The following BTNL2 variants were observed in gnomAD, a reference collection of about 807,000 sequenced individuals.
The protein encoded by BTNL2 is butyrophilin-like protein 2.
BTNL2 carries 46 observed loss-of-function variants against 46.8 expected under a neutral mutation model. That is an observed-to-expected ratio of 0.98 (90% CI 0.78 to 1.26). The LOEUF is 1.26. BTNL2 is among the 50% of genes most tolerant of loss of function. The pLI is 0.00. For missense variants in BTNL2, 461 were observed against 592.6 expected (o/e 0.78, Z 2.31); for synonymous variants, 226 against 229.1 (o/e 0.99, Z 0.12).
chr6:32,404,804 A>G, intron 2 of BTNL2, 135 bp downstream of exon 2: 2 of 832,580 alleles, frequency 2.4e-6, no homozygotes, highest in Admixed American at 2.8e-5. Flanking sequence ...TTATTTTTAA[A>G]TCAATCAGGG....
In BTNL2 at chr6:32,396,068, T is replaced by G. The variant is rs766344846; in HGVS notation, c.1049A>C (p.Gln350Pro). The G allele has an allele frequency of 2.5e-5, 40 of 1,612,918 alleles. No individual in the cohort carries two copies. Among genetic ancestry groups the G allele is most frequent in the Non-Finnish European group, 3.3e-5 (39 of 1,179,976 alleles). Residue 350 changes from glutamine (Q) to proline (P), a missense_variant, in exon 5 of 8, where the codon CAG becomes CCG. Physicochemically the swap from Gln to Pro is moderately conservative, Grantham distance 76. Transcript: ENST00000454136. The surrounding 1 kb of genome is among the most constrained non-coding windows in gnomAD (Gnocchi z 4.4). Reference protein sequence around the residue: ...RCLFEKDDVYQEASLDLKVVS... With the variant: ...RCLFEKDDVYPEASLDLKVVS... ...CACCTTCAGATCCAAACTGGCCTCC[T>G]GGTAGACATCATCTTTTTCAAAAAG...
intron 4 of BTNL2, among the ~76,000 whole-genome samples, chr6:32,398,613 A>T (rs1253518978): frequency 6.6e-6 from 1 of 152,100 alleles, no homozygotes; most frequent in African/African-American, 2.4e-5. Context: ...CATCTCCTTT[A>T]TCCATATGAG....
At chr6:32,406,334 A>T (rs1777142686) in intron 1 of BTNL2, 1 of 151,254 alleles carries the variant, frequency 6.6e-6, no homozygotes, top group African/African-American at 2.5e-5. Flanking sequence ...CAGCTTCATC[A>T]CATCACACCA....
In BTNL2 at chr6:32,407,096, A is replaced by T. The variant is rs1372472695; in HGVS notation, c.28T>A (p.Ser10Thr). MVDFPGYNLSGAVASFLFIL... is the reference protein window; with the variant it reads MVDFPGYNLTGAVASFLFIL... ...AATAGGAAGGAGGCGACTGCACCAGACAGATTGTAGCCTGGAAAATCCACC... is the reference window on the plus strand; with the variant it reads ...AATAGGAAGGAGGCGACTGCACCAGTCAGATTGTAGCCTGGAAAATCCACC... The change falls in exon 1 of 8, where the codon TCT (serine) becomes ACT (threonine). Residue 10 changes from serine to threonine, a missense_variant. Coordinates refer to ENST00000454136, the MANE Select transcript of BTNL2 (RefSeq NM_001304561.2). 6.2e-7 allele frequency: 1 copy of T among 1,613,028 alleles called. No individual in the cohort carries two copies. Among genetic ancestry groups the T allele is most frequent in the Non-Finnish European group, 8.5e-7 (1 of 1,179,984 alleles).
chr6:32,401,907 G>T, intron 3 of BTNL2, 102 bp from the exon 4 acceptor site: 1 of 870,670 alleles, frequency 1.1e-6, no homozygotes, highest in Admixed American at 2.8e-5. Context: ...ATATAGGGAA[G>T]CTCAATTCAT....
chr6:32,394,605 C>G lies in BTNL2; in HGVS notation c.1360+139G>C, dbSNP rs1037834310. The G allele has an allele frequency of 1.1e-5, 11 of 1,018,462 alleles. No individual in the cohort carries two copies. The African/African-American group carries it at 1.6e-4, about 15-fold the overall frequency. The allele number at this position is 1,018,462 out of a possible 1,614,324, so 63.1% of individuals were successfully genotyped here. On this transcript the variant is annotated intron_variant, in intron 6 of 7. Transcript: ENST00000454136. This position sits in a 1 kb window ranked among gnomAD's most constrained non-coding sequence, Gnocchi z 4.6. ...AATCCCTGGGTGTCCTGAAAACCAG[C>G]TTTGCAGAGGATAGCAGGAGACCTC...
At position 32,405,261 on chromosome 6, in the gene BTNL2, A is replaced by G. The variant is rs941047818; in HGVS notation, c.105T>C (p.Ala35=). 3 of 1,612,958 alleles carry G rather than the reference A, an allele frequency of 1.9e-6. No individual in the cohort carries two copies. Among genetic ancestry groups the G allele is most frequent in the Admixed American group, 3.3e-5 (2 of 60,004 alleles). ...CCCCAACCCCGGCCAGGATAGGATG[A>G]GCAGGGCCAATGACTCTAAAGTCTT... ...QSEDFRVIGP[A]HPILAGVGED... is the part of the protein sequence containing the mutation. Residue 35 remains alanine (A), a synonymous_variant, in exon 2 of 8, where the codon GCT becomes GCC. Transcript: ENST00000454136.
At chr6:32,407,018 T>C (rs1583276554) in intron 1 of BTNL2, 27 bp downstream of exon 1, 4 of 1,604,636 alleles carry the variant, frequency 2.5e-6, no homozygotes, top group East Asian at 2.2e-5. Context: ...CATTAGACTA[T>C]ACAGTAAAGG....
At chr6:32,401,207 C>CA (rs9279632) in intron 4 of BTNL2, among the ~76,000 whole-genome samples, 472 of 38,908 alleles carry the variant, frequency 0.012, 113 homozygotes, top group East Asian at 0.021. Context: ...GACTCCGTCT[C>CA]AAAAAAAAAA....
At position 32,403,766 on chromosome 6, in the gene BTNL2, T is replaced by C. The variant is rs551054049; in HGVS notation, c.428-550A>G. The C allele has an allele frequency of 1.0e-4, 16 of 155,142 alleles. 1 individual carries two copies. In the South Asian group the frequency reaches 3.2e-3, roughly 31 times the overall value. 9.6% of individuals were successfully genotyped at this position (155,142 alleles called of 1,614,324 possible). A position where few individuals can be genotyped will look rare whatever the true frequency, so the allele number is the denominator to read the frequency against. ...AAATGCGAATCTCCACGAGGCGTTATTTGTAGCTAAATATTCTATTCAATG... is the reference window on the plus strand; with the variant it reads ...AAATGCGAATCTCCACGAGGCGTTACTTGTAGCTAAATATTCTATTCAATG... On this transcript the variant is annotated intron_variant, in intron 2 of 7. Coordinates refer to ENST00000454136, the MANE Select transcript of BTNL2 (RefSeq NM_001304561.2).
chr6:32,405,254 T>C lies in BTNL2; in HGVS notation c.112A>G (p.Ile38Val), dbSNP rs1777059014. Residue 38 changes from isoleucine to valine, a missense_variant, in exon 2 of 8, where the codon ATC becomes GTC. Transcript: ENST00000454136. ...DFRVIGPAHP[I>V]LAGVGEDALL... ...GCATCTTCCCCAACCCCGGCCAGGA[T>C]AGGATGAGCAGGGCCAATGACTCTA... 1.2e-6 allele frequency: 2 copies of C among 1,612,924 alleles called. No individual in the cohort carries two copies. Among genetic ancestry groups the C allele is most frequent in the African/African-American group, 1.3e-5 (1 of 74,992 alleles).
intron 1 of BTNL2, chr6:32,406,530 T>A (rs1488192543): frequency 6.6e-6 from 1 of 151,976 alleles, no homozygotes; most frequent in Non-Finnish European, 1.5e-5. Flanking sequence ...TTTTTGACAC[T>A]GAATTTTTAA....
At chr6:32,401,714 G>C in intron 4 of BTNL2, 71 bp downstream of exon 4, 1 of 1,451,394 alleles carries the variant, frequency 6.9e-7, no homozygotes, top group Non-Finnish European at 9.5e-7. Flanking sequence ...TGGTCTCGTG[G>C]TAGCTCCCCT....
chr6:32,395,544 T>C (rs1413318394), intron 5 of BTNL2, among the ~76,000 whole-genome samples: 1 of 152,208 alleles, frequency 6.6e-6, no homozygotes, highest in African/African-American at 2.4e-5. Context: ...CTGCTAACCT[T>C]GGACGTTTCA....
rs1237990505 is a variant in BTNL2, at chr6:32,395,045, C to G, written c.1079-20G>C. ...CCAGACCTGGGGCAGAGAAAGCAAC[C>G]AAAGCCTGGGGTCCTTTCAAGTGGA... On this transcript the variant is annotated intron_variant, in intron 5 of 7. Transcript: ENST00000454136. 6.5e-7 allele frequency: 1 copy of G among 1,542,006 alleles called. No homozygotes were observed. Among genetic ancestry groups the G allele is most frequent in the African/African-American group, 1.4e-5 (1 of 72,832 alleles).
In BTNL2 at chr6:32,403,292, G is replaced by A. The variant is rs116920341; in HGVS notation, c.428-76C>T. The A allele has an allele frequency of 5.0e-3, 7,447 of 1,475,154 alleles. 449 individuals carry two copies. In the East Asian group the frequency reaches 0.12, roughly 24 times the overall value. 91.4% of individuals were successfully genotyped at this position (1,475,154 alleles called of 1,614,324 possible). On this transcript the variant is annotated intron_variant, in intron 2 of 7. Transcript: ENST00000454136. ...TCACAGAGGCTGAGATCCCAGTGAC[G>A]TTGCTCACAGGGAGGTGGCCGGAGT...
chr6:32,398,449 G>A (rs9469107), intron 4 of BTNL2, among the ~76,000 whole-genome samples: 2,568 of 152,226 alleles, frequency 0.017, 74 homozygotes, highest in African/African-American at 0.058. Flanking sequence ...GCTTTGTCCT[G>A]TAATTTTACC....
intron 5 of BTNL2, 40 bp downstream of exon 5, chr6:32,395,999 A>G (rs758960688): frequency 8.1e-6 from 12 of 1,483,336 alleles, no homozygotes; most frequent in East Asian, 4.6e-5. Flanking sequence ...AAGTGGCAGG[A>G]GCAGGTATTG....
At chr6:32,400,972 G>T (rs1458917005) in intron 4 of BTNL2, among the ~76,000 whole-genome samples, 9 of 144,040 alleles carry the variant, frequency 6.2e-5, no homozygotes, top group Non-Finnish European at 1.1e-4. Context: ...ACTTTGGGAG[G>T]CTGAGGTGGG....
Sources: gnomAD v4.1 joint callset for allele counts (sites outside exome capture counted in the v4.1 genomes callset) on GRCh38, gnomAD v4.1.1 for gene constraint, Gnocchi (gnomAD v3.1) non-coding constraint, MANE v1.5 for transcripts, NCBI Gene and HGNC (gene_info 2026-07-23, HGNC 2026-07-21) for gene names.